PSPC1: variants seen among roughly 807,000 people sequenced by gnomAD.
PSPC1 encodes the protein paraspeckle protein 1.
PSPC1 carries 14 observed loss-of-function variants against 51.6 expected under a neutral mutation model. That is an observed-to-expected ratio of 0.27 (90% CI 0.18 to 0.42). The LOEUF (loss-of-function observed/expected upper bound fraction) is 0.42, where lower values mean the gene tolerates loss of function less well. PSPC1 is among the 10% of genes least tolerant of loss of function. PSPC1 has a pLI of 1.00. For synonymous variants in PSPC1, 193 were observed against 231.9 expected, an observed-to-expected ratio of 0.83 and a Z score of 1.53; for missense variants, 406 against 701.1, an observed-to-expected ratio of 0.58 and a Z score of 4.75.
chr13:19,773,359 C>G (rs1330844485), intron 1 of PSPC1, among the ~76,000 whole-genome samples: 1 of 150,330 alleles, frequency 6.7e-6, no homozygotes, highest in East Asian at 2.0e-4. Context: ...AAGAGATTCT[C>G]CTGCCTTGGC....
At chr13:19,724,444 C>T (rs1166938899) in intron 6 of PSPC1, among the ~76,000 whole-genome samples, 1 of 152,112 alleles carries the variant, frequency 6.6e-6, no homozygotes, top group Non-Finnish European at 1.5e-5. Flanking sequence ...ACAAAAAGCC[C>T]ATGCAAGAGG....
At chr13:19,742,875 G>A (rs983677597) in intron 4 of PSPC1, among the ~76,000 whole-genome samples, 9 of 152,230 alleles carry the variant, frequency 5.9e-5, no homozygotes, top group African/African-American at 1.7e-4. Flanking sequence ...AACCTCCCTC[G>A]CAACACGATT....
At chr13:19,714,997 T>A (rs1881923965) in intron 6 of PSPC1, among the ~76,000 whole-genome samples, 1 of 152,230 alleles carries the variant, frequency 6.6e-6, no homozygotes, top group South Asian at 2.1e-4. Context: ...AACCATTTTT[T>A]ATAGAGCAAA....
At chr13:19,741,313 T>C (rs1489548649) in intron 5 of PSPC1, among the ~76,000 whole-genome samples, 1 of 152,212 alleles carries the variant, frequency 6.6e-6, no homozygotes, top group East Asian at 1.9e-4. Flanking sequence ...AGCATATTCT[T>C]ATAATAAATT....
At chr13:19,698,925 A>G (rs533520320), downstream of PSPC1, among the ~76,000 whole-genome samples, 1 of 151,758 alleles carries the variant, frequency 6.6e-6, no homozygotes, top group East Asian at 1.9e-4. Flanking sequence ...AATAGAAAAA[A>G]CACATACACT....
chr13:19,695,886 TA>T (rs1314979866), intron 6 of PSPC1, among the ~76,000 whole-genome samples: 1 of 151,970 alleles, frequency 6.6e-6, no homozygotes, highest in East Asian at 1.9e-4. Flanking sequence ...GGTATCAACA[TA>T]TTTTTTTTAG....
At chr13:19,771,793 G>C (rs993956249) in intron 2 of PSPC1, among the ~76,000 whole-genome samples, 1 of 151,996 alleles carries the variant, frequency 6.6e-6, no homozygotes. Context: ...GCTAATTTTT[G>C]TATTTTTAGT....
chr13:19,697,824 T>A (rs1394434345), downstream of PSPC1, among the ~76,000 whole-genome samples: 4 of 152,120 alleles, frequency 2.6e-5, no homozygotes, highest in African/African-American at 9.7e-5. Flanking sequence ...AATACTGATT[T>A]ACATTATCTA....
In PSPC1 at chr13:19,782,439, C is replaced by T. The variant is rs1208300845; in HGVS notation, c.319G>A (p.Glu107Lys). 6.2e-7 allele frequency: 1 copy of T among 1,609,942 alleles called. No individual in the cohort carries two copies. The highest frequency in any genetic ancestry group is 8.5e-7 in the Non-Finnish European group (1 of 1,178,188). The change falls in exon 1 of 9, where the codon GAG (glutamate) becomes AAG (lysine). Residue 107 changes from glutamate to lysine, a missense_variant. Glu to Lys is a moderately conservative substitution (Grantham distance 56). Coordinates refer to ENST00000338910, the MANE Select transcript of PSPC1 (RefSeq NM_001354909.2). This position sits in a 1 kb window ranked among gnomAD's most constrained non-coding sequence, Gnocchi z 4.5. ...DFKRLFERYG[E>K]PSEVFINRDR... Reference sequence around the variant, plus strand: ...CGGTTGATGAAGACTTCGCTGGGCTCGCCATAGCGTTCGAAGAGCCTCTTG... The same window carrying T: ...CGGTTGATGAAGACTTCGCTGGGCTTGCCATAGCGTTCGAAGAGCCTCTTG...
intron 6 of PSPC1, among the ~76,000 whole-genome samples, chr13:19,693,848 G>A (rs2137661277): frequency 6.6e-6 from 1 of 152,176 alleles, no homozygotes; most frequent in South Asian, 2.1e-4. Context: ...ACTTGGCCAG[G>A]CGCGGTGGCT....
At chr13:19,676,518 G>A (rs1291329921) in intron 7 of PSPC1, among the ~76,000 whole-genome samples, 2 of 152,016 alleles carry the variant, frequency 1.3e-5, no homozygotes, top group African/African-American at 4.8e-5. Context: ...GAATACATCA[G>A]TGCATCTCAA....
chr13:19,712,337 C>T (rs1357801148), intron 6 of PSPC1, among the ~76,000 whole-genome samples: 11 of 152,132 alleles, frequency 7.2e-5, no homozygotes, highest in Admixed American at 4.6e-4. Flanking sequence ...CCCTTATATA[C>T]CCTAATACCT....
rs1269320544 is a variant in PSPC1 at position 19,782,705 on chromosome 13, C to A, written c.53G>T (p.Arg18Leu). The A allele has an allele frequency of 1.3e-6, 2 of 1,570,364 alleles. No homozygotes were observed. Among genetic ancestry groups the A allele is most frequent in the Middle Eastern group, 1.8e-4 (1 of 5,494 alleles). Residue 18 changes from arginine to leucine, a missense_variant, in exon 1 of 9, where the codon CGC (arginine) becomes CTC (leucine). This residue lies in a region of PSPC1 where 128 missense variants were observed against 107.1 expected (regional missense o/e 1.20). Coordinates refer to ENST00000338910, the MANE Select transcript of PSPC1 (RefSeq NM_001354909.2). This position sits in a 1 kb window ranked among gnomAD's most constrained non-coding sequence, Gnocchi z 4.5. ...KQVRIEKNPARLRALESAVGE... is the reference protein window; with the variant it reads ...KQVRIEKNPALLRALESAVGE... ...CACCGCGGACTCCAGGGCGCGAAGG[C>A]GGGCCGGGTTTTTCTCAATGCGCAC...
intron 6 of PSPC1, among the ~76,000 whole-genome samples, chr13:19,718,346 T>C (rs145096215): frequency 5.9e-5 from 9 of 152,330 alleles, no homozygotes; most frequent in African/African-American, 1.9e-4. Context: ...TCTTCAGATA[T>C]ATGATTGTTA....
intron 6 of PSPC1, 65 bp downstream of exon 6, chr13:19,730,174 A>T (rs1020962232): frequency 5.5e-5 from 74 of 1,357,384 alleles, no homozygotes; most frequent in Middle Eastern, 1.8e-4. Flanking sequence ...AATCTAAAGC[A>T]TTCTAAATAT....
rs1890103064 is a variant in PSPC1, at chr13:19,782,660, G to A, written c.98C>T (p.Ala33Val). ...AAGAGCGAGCGCCATGGCTGCCGCG[G>A]CCGCCGGCTCGCTCTCGCCCACCGC... ...ESAVGESEPA[A>V]AAAMALALAG... The change falls in exon 1 of 9, where the codon GCC (alanine) becomes GTC (valine). Residue 33 changes from alanine to valine, a missense_variant. By Grantham distance (64) the Ala-to-Val change is moderately conservative. Coordinates refer to ENST00000338910, the MANE Select transcript of PSPC1 (RefSeq NM_001354909.2). This position sits in a 1 kb window ranked among gnomAD's most constrained non-coding sequence, Gnocchi z 4.5. 4 of 1,551,156 alleles carry A rather than the reference G, an allele frequency of 2.6e-6. No homozygotes were observed. The highest frequency in any genetic ancestry group is 1.4e-5 in the African/African-American group (1 of 69,604).
chr13:19,699,129 A>C (rs567636434), downstream of PSPC1, among the ~76,000 whole-genome samples: 63 of 152,054 alleles, frequency 4.1e-4, no homozygotes, highest in African/African-American at 1.4e-3. Flanking sequence ...GTTATTCCAT[A>C]ATCAAGGAAA....
chr13:19,678,059 C>A (rs1357505322), intron 6 of PSPC1: 1 of 335,462 alleles, frequency 3.0e-6, no homozygotes, highest in Non-Finnish European at 5.9e-6. Flanking sequence ...TTATCTTCTA[C>A]AGTAAACAGT....
chr13:19,736,117 G>T (rs1351910316), intron 5 of PSPC1, among the ~76,000 whole-genome samples: 1 of 151,906 alleles, frequency 6.6e-6, no homozygotes, highest in Non-Finnish European at 1.5e-5. Context: ...ACCGCGCCCG[G>T]CCAAAAACTA....
Sources: allele counts gnomAD v4.1 joint callset (sites outside exome capture counted in the v4.1 genomes callset), GRCh38; gene constraint gnomAD v4.1.1; regional missense constraint gnomAD v4.1.1; non-coding constraint Gnocchi (gnomAD v3.1); transcripts MANE v1.5; gene names NCBI Gene and HGNC (gene_info 2026-07-23, HGNC 2026-07-21).